The following GALNT16 variants were observed in gnomAD, a reference collection of about 807,000 sequenced individuals.
The protein encoded by GALNT16 is UDP-GalNAc:polypeptide N-acetylgalactosaminyltransferase-like protein 1.
A neutral mutation model predicts 76.1 loss-of-function variants in GALNT16; 40 were observed. That is an observed-to-expected ratio of 0.53 (90% CI 0.41 to 0.68). The LOEUF (loss-of-function observed/expected upper bound fraction) is 0.68, where lower values mean the gene tolerates loss of function less well. Among genes scored for constraint, GALNT16 ranks in the 30% least tolerant of loss-of-function variants. The pLI is 0.00. For missense variants in GALNT16, 621 were observed against 731.9 expected (o/e 0.85, Z 1.75); for synonymous variants, 276 against 285.2 (o/e 0.97, Z 0.32).
At chr14:69,368,089 G>A in the GALNT16 span, among the ~76,000 whole-genome samples, 2 of 152,212 alleles carry the variant, frequency 1.3e-5, no homozygotes. Context: ...CCATAGCACA[G>A]AAGAGGACAG....
In GALNT16 at chr14:69,260,243, G is replaced by A; in HGVS notation, c.-48G>A. ...CTGCGAGCGCCCCCGCCCCGGCCCCGAGAGCACGCCGGCCCAGTCCCCCAC... is the reference window on the plus strand; with the variant it reads ...CTGCGAGCGCCCCCGCCCCGGCCCCAAGAGCACGCCGGCCCAGTCCCCCAC... On this transcript the variant is annotated 5_prime_UTR_variant, in exon 1 of 15. Coordinates refer to ENST00000448469, the MANE Select transcript of GALNT16 (RefSeq NM_001168368.2). 7.2e-7 allele frequency: 1 copy of A among 1,379,462 alleles called. No individual in the cohort carries two copies. The highest frequency in any genetic ancestry group is 9.8e-7 in the Non-Finnish European group (1 of 1,019,742). The allele number at this position is 1,379,462 out of a possible 1,614,324, so 85.5% of individuals were successfully genotyped here.
At chr14:69,288,483 C>T (rs1010739258) in intron 1 of GALNT16, among the ~76,000 whole-genome samples, 1 of 152,210 alleles carries the variant, frequency 6.6e-6, no homozygotes, top group Non-Finnish European at 1.5e-5. Flanking sequence ...TGTGAAACAG[C>T]GGCTCTCCCA....
chr14:69,293,027 C>G (rs2044707895), intron 1 of GALNT16, among the ~76,000 whole-genome samples: 1 of 152,234 alleles, frequency 6.6e-6, no homozygotes. Flanking sequence ...ATGACCTATG[C>G]TGAGCACTCT....
intron 5 of GALNT16, among the ~76,000 whole-genome samples, chr14:69,327,603 G>A (rs538062686): frequency 2.0e-5 from 3 of 152,288 alleles, no homozygotes; most frequent in Middle Eastern, 3.4e-3. Context: ...GCTGGCTGGC[G>A]GGCTGGTAGG....
the GALNT16 span, among the ~76,000 whole-genome samples, chr14:69,386,022 C>G: frequency 2.0e-5 from 3 of 152,376 alleles, no homozygotes; most frequent in South Asian, 6.2e-4. Flanking sequence ...CTCATCCCCT[C>G]TGTCTGGTAT....
intron 1 of GALNT16, among the ~76,000 whole-genome samples, chr14:69,269,485 A>ATGTG (rs371153543): frequency 7.0e-6 from 1 of 141,896 alleles, no homozygotes; most frequent in Non-Finnish European, 1.5e-5. Context: ...GTAGTATGTG[A>ATGTG]TGTGTGTGTG....
intron 1 of GALNT16, among the ~76,000 whole-genome samples, chr14:69,278,788 G>A (rs549657596): frequency 6.6e-6 from 1 of 152,300 alleles, no homozygotes; most frequent in Non-Finnish European, 1.5e-5. Context: ...TTTGCACATA[G>A]CATTGATTAA....
At chr14:69,269,534 G>T (rs1334538345) in intron 1 of GALNT16, among the ~76,000 whole-genome samples, 1 of 149,952 alleles carries the variant, frequency 6.7e-6, no homozygotes, top group Non-Finnish European at 1.5e-5. Flanking sequence ...GCTTATGTGT[G>T]TGTGATGTGT....
rs145936632 is a variant in GALNT16 at position 69,277,796 on chromosome 14, C to T, written c.177+17329C>T. 9.6e-3 allele frequency among the ~76,000 whole-genome samples: 1,458 copies of T among 152,238 alleles called. 24 individuals are homozygous for T. Among genetic ancestry groups the T allele is most frequent in the African/African-American group, 0.034 (1,396 of 41,508 alleles). On this transcript the variant is annotated intron_variant, in intron 1 of 14. Transcript: ENST00000448469. ...TAGTTCTAGATCCTTGGGGAATTGC[C>T]CCACTGTCTTCCACAATGGTTGAAC... is the stretch of plus-strand genomic sequence containing the variant.
rs182002579 is a variant in GALNT16 at position 69,279,031 on chromosome 14, A to G, written c.177+18564A>G. 2.0e-3 allele frequency among the ~76,000 whole-genome samples: 303 copies of G among 151,930 alleles called. 3 individuals are homozygous for G. Among genetic ancestry groups the G allele is most frequent in the African/African-American group, 7.1e-3 (294 of 41,416 alleles). ...ACTGCAACCTCCGCTTCCCAGGTTC[A>G]AGCGATTCTCCGGCCTCAGCCTCCC... On this transcript the variant is annotated intron_variant, in intron 1 of 14. Coordinates refer to ENST00000448469, the MANE Select transcript of GALNT16 (RefSeq NM_001168368.2).
intron 5 of GALNT16, among the ~76,000 whole-genome samples, chr14:69,327,315 G>A (rs543698417): frequency 1.7e-4 from 26 of 152,146 alleles, no homozygotes; most frequent in Admixed American, 1.0e-3. Flanking sequence ...CCAAGATTGC[G>A]CCACTGCACT....
the GALNT16 span, among the ~76,000 whole-genome samples, chr14:69,367,037 A>T: frequency 6.6e-6 from 1 of 152,096 alleles, no homozygotes; most frequent in African/African-American, 2.4e-5. Flanking sequence ...GCCTTGAGGA[A>T]TGAGATGTAC....
At chr14:69,373,392 C>T in the GALNT16 span, among the ~76,000 whole-genome samples, 68,678 of 152,084 alleles carry the variant, frequency 0.45, 15,688 homozygotes, top group Middle Eastern at 0.59. Context: ...CTCAGTTAAG[C>T]GATGTCATCA....
At chr14:69,289,144 C>T (rs10142866) in intron 1 of GALNT16, among the ~76,000 whole-genome samples, 21,426 of 152,144 alleles carry the variant, frequency 0.14, 1,880 homozygotes, top group East Asian at 0.31. Context: ...TCCCAGAGTG[C>T]TAGGATTACA....
intron 1 of GALNT16, among the ~76,000 whole-genome samples, chr14:69,288,866 C>T (rs773790236): frequency 2.6e-5 from 4 of 152,006 alleles, no homozygotes; most frequent in Non-Finnish European, 5.9e-5. Flanking sequence ...GTCATCCTAG[C>T]GAGTGGATAG....
chr14:69,281,935 T>G (rs749815650), intron 1 of GALNT16, among the ~76,000 whole-genome samples: 7 of 152,172 alleles, frequency 4.6e-5, no homozygotes, highest in Non-Finnish European at 8.8e-5. Flanking sequence ...CATTCTGAAA[T>G]TGCCTCCTGT....
chr14:69,328,972 T>C (rs2045320568), intron 6 of GALNT16, among the ~76,000 whole-genome samples: 1 of 152,234 alleles, frequency 6.6e-6, no homozygotes. Context: ...ACGTGCCTAC[T>C]GTTCTCCAGA....
chr14:69,311,927 G>T (rs376153437), intron 1 of GALNT16, among the ~76,000 whole-genome samples: 1 of 151,944 alleles, frequency 6.6e-6, no homozygotes, highest in Non-Finnish European at 1.5e-5. Context: ...GTTGGGGCAG[G>T]GGTGGTGGCT....
At position 69,352,266 on chromosome 14, in the gene GALNT16, AC is replaced by A. The variant is rs772394754; in HGVS notation, c.*99del. The A allele has an allele frequency of 1.1e-5, 12 of 1,069,214 alleles. No individual in the cohort carries two copies. The highest frequency in any genetic ancestry group is 1.5e-5 in the Non-Finnish European group (11 of 754,768). 66.2% of individuals were successfully genotyped at this position (1,069,214 alleles called of 1,614,324 possible). A position where few individuals can be genotyped will look rare whatever the true frequency, so the allele number is the denominator to read the frequency against. ...CAAAGTGGGCTGTTCCCATCTCCTC[AC>A]ATTTCTGCCAGGACCATCAGCAAAT... On this transcript the variant is annotated 3_prime_UTR_variant, in exon 15 of 15. Transcript: ENST00000448469.
Sources: allele counts gnomAD v4.1 joint callset (sites outside exome capture counted in the v4.1 genomes callset), GRCh38; gene constraint gnomAD v4.1.1; transcripts MANE v1.5; gene names NCBI Gene and HGNC (gene_info 2026-07-23, HGNC 2026-07-21).